Variants in GREM2 observed in about 807,000 individuals in gnomAD.
GREM2 encodes gremlin-2.
Under a neutral mutation model 14.2 loss-of-function variants are expected in GREM2, and 11 were observed. The observed-to-expected ratio is 0.78, with a 90% CI of 0.49 to 1.28. The LOEUF (loss-of-function observed/expected upper bound fraction) is 1.28. Ranked by LOEUF, GREM2 falls within the 50% of genes most tolerant of loss-of-function variation. The pLI, the probability that GREM2 is intolerant of heterozygous loss-of-function variation, is 0.00. For missense variants in GREM2, 210 were observed against 218.5 expected (o/e 0.96, Z 0.24); for synonymous variants, 98 against 97.6 (o/e 1.00, Z -0.02).
rs1323294217 is a variant in GREM2 at position 240,584,510 on chromosome 1, AAAG to A, written c.-2+27371_-2+27373del. Among the ~76,000 whole-genome samples the A allele has an allele frequency of 9.3e-5, 14 of 151,124 alleles. 1 individual carries two copies. Among genetic ancestry groups the A allele is most frequent in the African/African-American group, 2.4e-4 (10 of 41,220 alleles). Reference sequence around the variant, plus strand: ...ACTCCATCTCAAAAAAAAAAAAAAAAAAGAAGAATGAAAATAAAAATTAAAAAT... The same window carrying A: ...ACTCCATCTCAAAAAAAAAAAAAAAAAAGAATGAAAATAAAAATTAAAAAT... On this transcript the variant is annotated intron_variant, in intron 1 of 1. Transcript: ENST00000318160.
chr1:240,592,022 G>A (rs1255262697), intron 1 of GREM2, among the ~76,000 whole-genome samples: 2 of 152,162 alleles, frequency 1.3e-5, no homozygotes, highest in African/African-American at 4.8e-5. Flanking sequence ...CTGTGATGGA[G>A]CCTCCTCTCC....
intron 1 of GREM2, among the ~76,000 whole-genome samples, chr1:240,515,795 G>A (rs931775069): frequency 1.3e-5 from 2 of 152,180 alleles, no homozygotes; most frequent in African/African-American, 4.8e-5. Context: ...GAAACAATGT[G>A]TGGTTTCTGG....
intron 1 of GREM2, among the ~76,000 whole-genome samples, chr1:240,525,320 A>C (rs76634023): frequency 0.029 from 4,398 of 152,184 alleles, 90 homozygotes; most frequent in Middle Eastern, 0.099. Context: ...AGCAGGCCCA[A>C]AGGATGGATC....
chr1:240,575,878 C>T (rs1245914727), intron 1 of GREM2, among the ~76,000 whole-genome samples: 2 of 140,658 alleles, frequency 1.4e-5, no homozygotes, highest in East Asian at 4.2e-4. Context: ...AACATCAGAG[C>T]TTTGGTGTTG....
intron 1 of GREM2, among the ~76,000 whole-genome samples, chr1:240,572,946 C>A (rs1679287302): frequency 6.6e-6 from 1 of 152,070 alleles, no homozygotes; most frequent in Non-Finnish European, 1.5e-5. Context: ...ATAATAAACT[C>A]TTTAATTTTA....
At chr1:240,604,274 T>G (rs1260519638) in intron 1 of GREM2, among the ~76,000 whole-genome samples, 7 of 150,822 alleles carry the variant, frequency 4.6e-5, no homozygotes, top group African/African-American at 1.7e-4. Flanking sequence ...AGGGGACAAA[T>G]ATCCCAATTA....
intron 1 of GREM2, among the ~76,000 whole-genome samples, chr1:240,500,167 A>G (rs558695056): frequency 1.3e-5 from 2 of 152,364 alleles, no homozygotes; most frequent in East Asian, 3.9e-4. Context: ...TAATATAAGT[A>G]AAGCTAAAAT....
chr1:240,544,377 G>A (rs1045555506), intron 1 of GREM2, among the ~76,000 whole-genome samples: 1 of 152,080 alleles, frequency 6.6e-6, no homozygotes. Flanking sequence ...TCGATCTCCT[G>A]ACCTCATGAT....
chr1:240,596,892 G>A (rs1679828750), intron 1 of GREM2, among the ~76,000 whole-genome samples: 1 of 152,148 alleles, frequency 6.6e-6, no homozygotes, highest in African/African-American at 2.4e-5. Context: ...ACTTCGGGCA[G>A]AGAGAAAAAA....
chr1:240,555,669 G>A (rs1047496860), intron 1 of GREM2, among the ~76,000 whole-genome samples: 25 of 152,184 alleles, frequency 1.6e-4, no homozygotes, highest in Admixed American at 1.2e-3. Flanking sequence ...TTTGGATGTA[G>A]ATGATACAGT....
intron 1 of GREM2, among the ~76,000 whole-genome samples, 197 bp from the exon 2 acceptor site, chr1:240,493,673 G>T (rs1558135267): frequency 6.6e-6 from 1 of 151,766 alleles, no homozygotes; most frequent in Non-Finnish European, 1.5e-5. Flanking sequence ...CTACAGGCTT[G>T]CACCACCACG....
chr1:240,572,482 A>G (rs911194128), intron 1 of GREM2, among the ~76,000 whole-genome samples: 6 of 152,232 alleles, frequency 3.9e-5, no homozygotes, highest in Admixed American at 1.3e-4. Flanking sequence ...ATTACTTTAG[A>G]GAGTACGAAG....
At chr1:240,603,654 G>A (rs1359651065) in intron 1 of GREM2, among the ~76,000 whole-genome samples, 2 of 151,962 alleles carry the variant, frequency 1.3e-5, no homozygotes, top group Non-Finnish European at 2.9e-5. Context: ...CTTCCCCATG[G>A]ACTGCCTTAA....
At chr1:240,500,927 C>T (rs184798406) in intron 1 of GREM2, among the ~76,000 whole-genome samples, 134 of 152,208 alleles carry the variant, frequency 8.8e-4, no homozygotes, top group African/African-American at 3.1e-3. Context: ...TAAGTTGTGC[C>T]GAGTTGCTTT....
chr1:240,566,861 A>C (rs1420150021), intron 1 of GREM2, among the ~76,000 whole-genome samples: 2 of 152,108 alleles, frequency 1.3e-5, no homozygotes, highest in African/African-American at 4.8e-5. Flanking sequence ...CAAAACAAAA[A>C]CCCAGGAAAG....
chr1:240,502,874 T>C (rs1210332145), intron 1 of GREM2, among the ~76,000 whole-genome samples: 2 of 152,194 alleles, frequency 1.3e-5, no homozygotes, highest in Non-Finnish European at 2.9e-5. Flanking sequence ...TCCAAGCCAA[T>C]TGGTTATTCC....
chr1:240,611,795 A>T (rs1680142186), intron 1 of GREM2, 89 bp downstream of exon 1: 1 of 152,642 alleles, frequency 6.6e-6, no homozygotes, highest in Non-Finnish European at 1.5e-5. Context: ...CAGCCACGGA[A>T]CAAACAACGT....
chr1:240,498,630 T>A (rs1227663746), intron 1 of GREM2, among the ~76,000 whole-genome samples: 1 of 152,186 alleles, frequency 6.6e-6, no homozygotes, highest in East Asian at 1.9e-4. Context: ...TGCACAAGCA[T>A]GTCAGCGGCC....
chr1:240,523,094 A>T (rs1259859257), intron 1 of GREM2, among the ~76,000 whole-genome samples: 1 of 152,176 alleles, frequency 6.6e-6, no homozygotes, highest in Admixed American at 6.5e-5. Context: ...TATGGAATAT[A>T]ATCAGTTTCT....
Sources: gnomAD v4.1 joint callset for allele counts (sites outside exome capture counted in the v4.1 genomes callset) on GRCh38, gnomAD v4.1.1 for gene constraint, MANE v1.5 for transcripts, NCBI Gene and HGNC (gene_info 2026-07-23, HGNC 2026-07-21) for gene names.